Variants in HOXD3 observed in about 807,000 individuals in gnomAD.
HOXD3 encodes homeobox D3.
A neutral mutation model predicts 32.8 loss-of-function variants in HOXD3; 13 were observed. The observed-to-expected ratio is 0.40, with a 90% CI of 0.26 to 0.63. The LOEUF (loss-of-function observed/expected upper bound fraction) is 0.63, where lower values mean the gene tolerates loss of function less well. HOXD3 is among the 20% of genes least tolerant of loss of function. The pLI, the probability that HOXD3 is intolerant of heterozygous loss-of-function variation, is 0.44. For synonymous variants in HOXD3, 241 were observed against 246.8 expected, an observed-to-expected ratio of 0.98 and a Z score of 0.22; for missense variants, 504 against 577.1, an observed-to-expected ratio of 0.87 and a Z score of 1.30.
chr2:176,171,452 C>A, intron 3 of HOXD3, 65 bp from the exon 4 acceptor site: 3 of 1,402,910 alleles, frequency 2.1e-6, no homozygotes, highest in South Asian at 1.4e-5. Flanking sequence ...GGGAAGCACC[C>A]CTCTCCAGTC....
intron 1 of HOXD3, among the ~76,000 whole-genome samples, chr2:176,157,910 G>A (rs779339074): frequency 4.6e-5 from 7 of 152,246 alleles, no homozygotes; most frequent in Non-Finnish European, 8.8e-5. Context: ...CGCTGTCACG[G>A]CATCTGCCGC....
upstream of HOXD3, among the ~76,000 whole-genome samples, chr2:176,155,724 A>G (rs1189638863): frequency 1.3e-5 from 2 of 152,180 alleles, no homozygotes; most frequent in African/African-American, 4.8e-5. Context: ...CCCATTTGCT[A>G]TTATTTGTTT....
chr2:176,171,970 C>G lies in HOXD3; in HGVS notation c.995C>G (p.Pro332Arg), dbSNP rs554628839. 49 of 1,610,524 alleles carry G rather than the reference C, an allele frequency of 3.0e-5. 1 individual carries two copies. In the South Asian group the frequency reaches 4.8e-4, roughly 16 times the overall value. ...CCACAACAGAAGCGCTACGCAGCGC[C>G]GGAGTTCGAGCCCCATCCCATGGCG... Reference protein sequence around the residue: ...CLPQQKRYAAPEFEPHPMASN... With the variant: ...CLPQQKRYAAREFEPHPMASN... The change falls in exon 4 of 4, where the codon CCG becomes CGG. Residue 332 changes from proline (P) to arginine (R), a missense_variant. Pro to Arg is a moderately radical substitution (Grantham distance 103). Around this residue, in one of 3 missense-constraint regions of HOXD3, gnomAD observed 226 missense variants for 246.9 expected, o/e 0.92. Transcript: ENST00000683222.
chr2:176,172,075 C>A lies in HOXD3; in HGVS notation c.1100C>A (p.Ala367Glu), dbSNP rs762465915. ...YVGGNFVESM[A>E]PASGPVFNLG... Reference sequence around the variant, plus strand: ...GGCGGCAACTTCGTCGAGTCCATGGCGCCCGCGTCCGGGCCTGTCTTCAAC... The same window carrying A: ...GGCGGCAACTTCGTCGAGTCCATGGAGCCCGCGTCCGGGCCTGTCTTCAAC... Residue 367 changes from alanine to glutamate, a missense_variant, in exon 4 of 4, where the codon GCG becomes GAG. Ala to Glu is a moderately radical substitution (Grantham distance 107). This residue lies in a region of HOXD3 where 226 missense variants were observed against 246.9 expected (regional missense o/e 0.92). Coordinates refer to ENST00000683222, the MANE Select transcript of HOXD3 (RefSeq NM_006898.5). 5.0e-6 allele frequency: 8 copies of A among 1,610,432 alleles called. No individual in the cohort carries two copies. In the Admixed American group the frequency reaches 1.3e-4, roughly 27 times the overall value.
rs1163901599 is a variant in HOXD3, at chr2:176,168,268, A to AAAAAC, written c.-84-759_-84-758insCAAAA. On this transcript the variant is annotated intron_variant, in intron 2 of 3. Coordinates refer to ENST00000683222, the MANE Select transcript of HOXD3 (RefSeq NM_006898.5). ...TGTAAGACCCTGTCTCTACAAAAAA[A>AAAAAC]AAAAAAAAAAAACTAAGAGCTGGCG... is the stretch of plus-strand genomic sequence containing the variant. 2.0e-3 allele frequency among the ~76,000 whole-genome samples: 305 copies of AAAAAC among 150,168 alleles called. 4 individuals are homozygous for AAAAAC. The highest frequency in any genetic ancestry group is 7.1e-3 in the African/African-American group (289 of 40,516).
chr2:176,170,578 C>T (rs943237857), intron 3 of HOXD3, among the ~76,000 whole-genome samples: 2 of 152,188 alleles, frequency 1.3e-5, no homozygotes, highest in African/African-American at 2.4e-5. Flanking sequence ...AACTTGCTTC[C>T]AGGTCCAGGG....
At chr2:176,156,757 A>G (rs1001799871), upstream of HOXD3, among the ~76,000 whole-genome samples, 153 of 146,336 alleles carry the variant, frequency 1.0e-3, no homozygotes, top group Non-Finnish European at 1.2e-3. Context: ...CTCGCCTTGA[A>G]GAAGGGGCCA....
At chr2:176,154,439 A>C (rs1690604291), upstream of HOXD3, among the ~76,000 whole-genome samples, 1 of 152,204 alleles carries the variant, frequency 6.6e-6, no homozygotes, top group South Asian at 2.1e-4. Flanking sequence ...CAGGCTCCAA[A>C]AAAGGTTGTA....
At chr2:176,153,008 G>A (rs781160906), upstream of HOXD3, 6 of 1,495,554 alleles carry the variant, frequency 4.0e-6, no homozygotes, top group African/African-American at 1.4e-5. Context: ...GGGGCAGGCC[G>A]GGCCTGCTGT....
At chr2:176,167,634 T>A (rs2105447312) in intron 2 of HOXD3, among the ~76,000 whole-genome samples, 1 of 151,866 alleles carries the variant, frequency 6.6e-6, no homozygotes, top group South Asian at 2.1e-4. Flanking sequence ...AAGTGGACTA[T>A]CTGGACTTTC....
intron 2 of HOXD3, 138 bp downstream of exon 2, chr2:176,164,306 C>T (rs993204632): frequency 6.6e-6 from 1 of 152,104 alleles, no homozygotes; most frequent in Non-Finnish European, 1.5e-5. Context: ...AAGTACCACC[C>T]GTTACATGAA....
At chr2:176,156,545 C>G (rs1690647735), upstream of HOXD3, among the ~76,000 whole-genome samples, 1 of 152,104 alleles carries the variant, frequency 6.6e-6, no homozygotes, top group African/African-American at 2.4e-5. Context: ...AGCTGAGGCT[C>G]CTGGGTGGCT....
At chr2:176,152,729 T>C (rs1348834970), upstream of HOXD3, 2 of 1,614,070 alleles carry the variant, frequency 1.2e-6, no homozygotes, top group Non-Finnish European at 1.7e-6. This position sits in a 1 kb window ranked among gnomAD's most constrained non-coding sequence, Gnocchi z 5.2. Context: ...GCCGTCGGAT[T>C]GAAATCGCTC....
chr2:176,170,548 G>A (rs138525193), intron 3 of HOXD3, among the ~76,000 whole-genome samples: 174 of 152,266 alleles, frequency 1.1e-3, no homozygotes, highest in African/African-American at 4.0e-3. Context: ...TATCTGATGT[G>A]GTTTATCTTC....
intron 1 of HOXD3, among the ~76,000 whole-genome samples, chr2:176,157,760 G>C (rs1690679238): frequency 6.6e-6 from 1 of 152,210 alleles, no homozygotes; most frequent in Admixed American, 6.5e-5. Flanking sequence ...AGGGTGCCAG[G>C]GGGCGAGGGG....
chr2:176,153,117 G>T (rs2105424369), upstream of HOXD3: 1 of 404,340 alleles, frequency 2.5e-6, no homozygotes, highest in Non-Finnish European at 4.8e-6. Context: ...CCCCTCCCTA[G>T]AGCGGGATGG....
In HOXD3 at chr2:176,172,294, C is replaced by T. The variant is rs1691223529; in HGVS notation, c.*20C>T. On this transcript the variant is annotated 3_prime_UTR_variant, in exon 4 of 4. Coordinates refer to ENST00000683222, the MANE Select transcript of HOXD3 (RefSeq NM_006898.5). ...CTGTAGCGGCCGCCGCCAGCCCGAACTCGCGGCAAAATTACCTCTCTTGCT... is the reference window on the plus strand; with the variant it reads ...CTGTAGCGGCCGCCGCCAGCCCGAATTCGCGGCAAAATTACCTCTCTTGCT... 1.3e-6 allele frequency: 2 copies of T among 1,572,266 alleles called. No homozygotes were observed. Among genetic ancestry groups the T allele is most frequent in the Admixed American group, 3.5e-5 (2 of 57,342 alleles).
chr2:176,171,788 A>T lies in HOXD3; in HGVS notation c.813A>T (p.Pro271=), dbSNP rs1267348523. ...SPASQSPERS[P]PLGGAAGHVA... is the part of the protein sequence containing the mutation. ...CTAGCCAGTCCCCTGAGCGCAGCCC[A>T]CCGCTCGGCGGCGCCGCTGGCCACG... is the stretch of plus-strand genomic sequence containing the variant. Residue 271 remains proline, a synonymous_variant, in exon 4 of 4, where the codon CCA becomes CCT. Coordinates refer to ENST00000683222, the MANE Select transcript of HOXD3 (RefSeq NM_006898.5). The T allele has an allele frequency of 3.1e-6, 5 of 1,613,368 alleles. No homozygotes were observed. In the South Asian group the frequency reaches 5.5e-5, roughly 18 times the overall value.
chr2:176,152,737 C>T, upstream of HOXD3: 2 of 1,614,172 alleles, frequency 1.2e-6, no homozygotes, highest in Non-Finnish European at 1.7e-6. The surrounding 1 kb of genome is among the most constrained non-coding windows in gnomAD (Gnocchi z 5.2). Context: ...ATTGAAATCG[C>T]TCACACCCTG....
Sources: allele counts gnomAD v4.1 joint callset (sites outside exome capture counted in the v4.1 genomes callset), GRCh38; gene constraint gnomAD v4.1.1; regional missense constraint gnomAD v4.1.1; non-coding constraint Gnocchi (gnomAD v3.1); transcripts MANE v1.5; gene names NCBI Gene and HGNC (gene_info 2026-07-23, HGNC 2026-07-21).